EYS: variants seen among roughly 807,000 people sequenced by gnomAD.
The protein encoded by EYS is EGF-like photoreceptor maintenance factor, also known as protein eyes shut homolog.
In EYS, 250 loss-of-function variants were observed where a neutral mutation model predicts 282.1. That is an observed-to-expected ratio of 0.89 (90% confidence interval 0.80 to 0.98). The LOEUF is 0.98. Among genes scored for constraint, EYS ranks in the 50% least tolerant of loss-of-function variants. The probability of loss-of-function intolerance (pLI) is 0.00; values close to 1 mark genes in which losing one functional copy is unlikely to be tolerated. For synonymous variants in EYS, 1,355 were observed against 1,282.9 expected, an observed-to-expected ratio of 1.06 and a Z score of -1.20; for missense variants, 4,016 against 3,709.0, an observed-to-expected ratio of 1.08 and a Z score of -2.15.
At chr6:64,256,943 T>C (rs780732907) in intron 30 of EYS, among the ~76,000 whole-genome samples, 3 of 152,046 alleles carry the variant, frequency 2.0e-5, no homozygotes, top group Non-Finnish European at 4.4e-5. Context: ...TTCTCCTTCA[T>C]TGGTTCTCCA....
At chr6:63,763,870 T>TTTATA (rs1185179091) in intron 40 of EYS, among the ~76,000 whole-genome samples, 67 of 129,664 alleles carry the variant, frequency 5.2e-4, no homozygotes, top group African/African-American at 1.8e-3. Flanking sequence ...TTATATCTTG[T>TTTATA]TATATATATA....
chr6:65,697,663 G>A (rs917618848), intron 1 of EYS, among the ~76,000 whole-genome samples: 13 of 145,038 alleles, frequency 9.0e-5, no homozygotes, highest in African/African-American at 2.6e-4. Context: ...GATTGGGTCC[G>A]AGGCATTTAG....
intron 18 of EYS, 139 bp from the exon 19 acceptor site, chr6:64,886,981 G>GA: frequency 1.6e-6 from 1 of 635,786 alleles, no homozygotes; most frequent in Non-Finnish European, 2.4e-6. Context: ...TTTTTTCTTT[G>GA]AAAAAATATA....
At chr6:65,309,022 A>T (rs1769085068) in intron 11 of EYS, among the ~76,000 whole-genome samples, 1 of 152,160 alleles carries the variant, frequency 6.6e-6, no homozygotes. Context: ...AGGAGAAAAA[A>T]GTCATGCAGA....
intron 15 of EYS, among the ~76,000 whole-genome samples, chr6:64,939,986 A>G (rs773527232): frequency 2.0e-5 from 3 of 152,042 alleles, no homozygotes; most frequent in African/African-American, 4.8e-5. Context: ...GTCATGGCTA[A>G]TATAAGTAAT....
intron 15 of EYS, among the ~76,000 whole-genome samples, chr6:64,939,035 T>C (rs1215914532): frequency 6.6e-6 from 1 of 151,752 alleles, no homozygotes; most frequent in Non-Finnish European, 1.5e-5. Flanking sequence ...GATAACTAGG[T>C]AAGGAAATTC....
At chr6:64,253,924 G>A (rs1227570169) in intron 30 of EYS, among the ~76,000 whole-genome samples, 2 of 152,106 alleles carry the variant, frequency 1.3e-5, no homozygotes, top group Non-Finnish European at 2.9e-5. Context: ...ATGAAGTTGT[G>A]ATCTGCTTAG....
intron 10 of EYS, among the ~76,000 whole-genome samples, chr6:65,342,289 A>T (rs1439708622): frequency 1.3e-5 from 2 of 151,078 alleles, no homozygotes; most frequent in African/African-American, 4.8e-5. Context: ...AAATTGTCTG[A>T]TTACACAATC....
At chr6:64,460,183 A>G (rs1354796624) in intron 26 of EYS, among the ~76,000 whole-genome samples, 2 of 152,198 alleles carry the variant, frequency 1.3e-5, no homozygotes, top group African/African-American at 4.8e-5. Flanking sequence ...TTGTCATCTC[A>G]ATGGGCATAA....
At chr6:64,141,801 AC>A (rs1284635802) in intron 31 of EYS, among the ~76,000 whole-genome samples, 2 of 152,188 alleles carry the variant, frequency 1.3e-5, no homozygotes, top group African/African-American at 4.8e-5. Flanking sequence ...TAAAACCAGT[AC>A]TGACTGTATA....
chr6:65,371,046 A>G (rs1765124295), intron 8 of EYS, among the ~76,000 whole-genome samples: 1 of 151,752 alleles, frequency 6.6e-6, no homozygotes, highest in East Asian at 1.9e-4. Flanking sequence ...GGGCTGGATG[A>G]GAGTATGGGA....
chr6:64,542,239 T>A (rs1764711721), intron 26 of EYS, among the ~76,000 whole-genome samples: 1 of 152,112 alleles, frequency 6.6e-6, no homozygotes, highest in Non-Finnish European at 1.5e-5. Flanking sequence ...TATATTAATA[T>A]TGCTGTCACA....
intron 12 of EYS, among the ~76,000 whole-genome samples, chr6:65,287,688 A>G (rs1309346531): frequency 6.6e-6 from 1 of 151,400 alleles, no homozygotes; most frequent in Non-Finnish European, 1.5e-5. Context: ...TAATTATAAT[A>G]ACACACACTA....
intron 2 of EYS, among the ~76,000 whole-genome samples, chr6:65,554,135 T>C (rs1355615924): frequency 6.6e-6 from 1 of 152,244 alleles, no homozygotes; most frequent in East Asian, 1.9e-4. Context: ...GATCCTATCG[T>C]CCTGTCACTG....
At chr6:63,788,955 T>G (rs1167627883) in intron 38 of EYS, 103 bp downstream of exon 38, 1 of 1,174,700 alleles carries the variant, frequency 8.5e-7, no homozygotes, top group Non-Finnish European at 1.2e-6. Context: ...GTGAACTTCG[T>G]GGATGTAGGC....
At chr6:64,976,865 G>A (rs1583350837) in intron 14 of EYS, among the ~76,000 whole-genome samples, 1 of 151,702 alleles carries the variant, frequency 6.6e-6, no homozygotes, top group East Asian at 2.0e-4. Context: ...TGGGAATCCT[G>A]TATCAAATAT....
intron 5 of EYS, among the ~76,000 whole-genome samples, chr6:65,483,583 T>A (rs1582356947): frequency 6.6e-6 from 1 of 152,142 alleles, no homozygotes; most frequent in Non-Finnish European, 1.5e-5. Context: ...TATATTAATA[T>A]GCACAGTTGA....
chr6:64,623,404 C>T (rs2149854512), intron 23 of EYS, among the ~76,000 whole-genome samples: 1 of 152,214 alleles, frequency 6.6e-6, no homozygotes, highest in East Asian at 1.9e-4. Context: ...GGACATTACC[C>T]AGTGGTTCTG....
chr6:63,983,955 C>A (rs1351019098), intron 35 of EYS, among the ~76,000 whole-genome samples: 1 of 151,442 alleles, frequency 6.6e-6, no homozygotes, highest in Non-Finnish European at 1.5e-5. Context: ...TTACCTCTAA[C>A]CTTAGCAATC....
Sources: allele counts gnomAD v4.1 joint callset (sites outside exome capture counted in the v4.1 genomes callset), GRCh38; gene constraint gnomAD v4.1.1; transcripts MANE v1.5; gene names NCBI Gene and HGNC (gene_info 2026-07-23, HGNC 2026-07-21).